Variants in ACYP2 observed in about 807,000 individuals in gnomAD.
ACYP2 encodes acylphosphatase-2.
A neutral mutation model predicts 11.2 loss-of-function variants in ACYP2; 12 were observed. The observed-to-expected ratio is 1.08, with a 90% CI of 0.69 to 1.74. The LOEUF (loss-of-function observed/expected upper bound fraction) is 1.74. Ranked by LOEUF, ACYP2 falls within the 40% of genes most tolerant of loss-of-function variation. The probability of loss-of-function intolerance (pLI) is 0.00; values close to 1 mark genes in which losing one functional copy is unlikely to be tolerated. For missense variants in ACYP2, 134 were observed against 101.9 expected (o/e 1.31, Z -1.35); for synonymous variants, 43 against 32.2 (o/e 1.33, Z -1.13).
intron 2 of ACYP2, among the ~76,000 whole-genome samples, chr2:54,029,298 G>C (rs1442011424): frequency 6.6e-6 from 1 of 152,002 alleles, no homozygotes; most frequent in Non-Finnish European, 1.5e-5. Flanking sequence ...CATATCAAGG[G>C]TACATACTAC....
intron 6 of ACYP2, among the ~76,000 whole-genome samples, chr2:54,268,220 T>C (rs1688124762): frequency 1.3e-5 from 2 of 152,168 alleles, no homozygotes; most frequent in African/African-American, 4.8e-5. Context: ...TAGCAAATAG[T>C]TCTATATTTT....
intron 3 of ACYP2, among the ~76,000 whole-genome samples, chr2:54,053,254 C>T (rs758330633): frequency 1.6e-4 from 24 of 151,998 alleles, no homozygotes; most frequent in Non-Finnish European, 2.5e-4. Context: ...TATTGCTGCT[C>T]TGCATAGGCA....
chr2:54,008,349 G>C (rs972143096), intron 2 of ACYP2, among the ~76,000 whole-genome samples: 1 of 152,180 alleles, frequency 6.6e-6, no homozygotes, highest in African/African-American at 2.4e-5. Flanking sequence ...TCAGACTTCA[G>C]AGCTATACTT....
At chr2:54,113,514 G>A (rs929213590) in intron 4 of ACYP2, among the ~76,000 whole-genome samples, 1 of 152,002 alleles carries the variant, frequency 6.6e-6, no homozygotes, top group Non-Finnish European at 1.5e-5. Flanking sequence ...CCAACATGTT[G>A]GGATTACAGG....
Position 54,207,171 on chromosome 2 carries a change from A to ATGTGTGTGTGTG in ACYP2, c.404+68424_404+68425insGTGTGTGTGTGT, listed in dbSNP as rs1462290345. On this transcript the variant is annotated intron_variant, in intron 6 of 6. Transcript: ENST00000607452. The stretch of plus-strand genomic sequence containing the variant: ...TTATATGTACATATATACAACATGT[A>ATGTGTGTGTGTG]TATGTGTGTGTGTGTGTGTGTGTGT... Among the ~76,000 whole-genome samples the ATGTGTGTGTGTG allele has an allele frequency of 6.6e-3, 453 of 68,446 alleles. 7 individuals are homozygous for ATGTGTGTGTGTG. The highest frequency in any genetic ancestry group is 0.058 in the East Asian group (98 of 1,688). The allele number at this position is 68,446 out of a possible 152,430, so 44.9% of individuals were successfully genotyped here.
intron 2 of ACYP2, among the ~76,000 whole-genome samples, chr2:54,015,645 T>TCACACACACACACACACA (rs4027206): frequency 1.5e-5 from 2 of 130,420 alleles, no homozygotes; most frequent in African/African-American, 6.2e-5. Context: ...TGAGACCCCG[T>TCACACACACACACACACA]CACACACACA....
intron 2 of ACYP2, among the ~76,000 whole-genome samples, chr2:53,986,724 A>G (rs1220856897): frequency 6.6e-6 from 1 of 151,566 alleles, no homozygotes; most frequent in Non-Finnish European, 1.5e-5. Flanking sequence ...TCCTGGGTTC[A>G]AGTGATTCTC....
intron 2 of ACYP2, among the ~76,000 whole-genome samples, chr2:54,050,189 A>G (rs116581970): frequency 0.014 from 2,183 of 152,214 alleles, 61 homozygotes; most frequent in African/African-American, 0.05. Flanking sequence ...TTTTTCATGA[A>G]CAGTCTAAAA....
intron 6 of ACYP2, among the ~76,000 whole-genome samples, chr2:54,162,769 C>T (rs1454092634): frequency 6.6e-6 from 1 of 152,066 alleles, no homozygotes; most frequent in Middle Eastern, 3.2e-3. Flanking sequence ...AGTTGGAGAC[C>T]AGCCTGGGCA....
chr2:54,178,983 C>T (rs1308279280), intron 6 of ACYP2, among the ~76,000 whole-genome samples: 1 of 152,016 alleles, frequency 6.6e-6, no homozygotes, highest in African/African-American at 2.4e-5. Context: ...GCTGGGATAT[C>T]CAAGATCAAG....
chr2:54,162,574 A>T (rs1428057137), intron 6 of ACYP2, among the ~76,000 whole-genome samples: 1 of 152,128 alleles, frequency 6.6e-6, no homozygotes, highest in Non-Finnish European at 1.5e-5. Flanking sequence ...AGACGTACTG[A>T]ATCAGAAACC....
chr2:54,280,709 C>G (rs1310178823), intron 6 of ACYP2, among the ~76,000 whole-genome samples: 2 of 152,186 alleles, frequency 1.3e-5, no homozygotes, highest in Admixed American at 1.3e-4. Context: ...CTGTGACAAC[C>G]TTCCTGAGAG....
intron 2 of ACYP2, among the ~76,000 whole-genome samples, chr2:54,049,563 T>A (rs1261144602): frequency 1.3e-5 from 2 of 152,228 alleles, no homozygotes; most frequent in Admixed American, 1.3e-4. Flanking sequence ...TTTTTTCCTT[T>A]CAAAGCTGTG....
chr2:54,039,819 TTG>T (rs751604890), intron 2 of ACYP2, among the ~76,000 whole-genome samples: 9,383 of 126,488 alleles, frequency 0.074, 291 homozygotes, highest in South Asian at 0.13. Flanking sequence ...TTGTTTTCTT[TTG>T]TGTGTGTGTG....
chr2:54,265,688 T>TTGAAA (rs1445730949), intron 6 of ACYP2, among the ~76,000 whole-genome samples: 8 of 152,192 alleles, frequency 5.3e-5, no homozygotes, highest in Admixed American at 1.3e-4. Flanking sequence ...ATTAAATAAG[T>TTGAAA]TGAAATGTAG....
intron 6 of ACYP2, among the ~76,000 whole-genome samples, chr2:54,146,190 G>T (rs1050686621): frequency 1.3e-5 from 2 of 152,180 alleles, no homozygotes; most frequent in African/African-American, 4.8e-5. Flanking sequence ...ATAACTTACA[G>T]TGTTGCTGTT....
chr2:54,015,468 A>G (rs1673626213), intron 2 of ACYP2, among the ~76,000 whole-genome samples: 2 of 151,116 alleles, frequency 1.3e-5, no homozygotes, highest in Admixed American at 6.6e-5. Context: ...AGATTGTGCC[A>G]TTGTTCTCCA....
chr2:54,146,110 T>C (rs146009751), intron 6 of ACYP2, among the ~76,000 whole-genome samples: 1 of 152,370 alleles, frequency 6.6e-6, no homozygotes, highest in East Asian at 1.9e-4. Context: ...ACCCTTGTGC[T>C]TGACTGATTG....
chr2:54,297,393 G>A (rs987184422), intron 6 of ACYP2, among the ~76,000 whole-genome samples: 1 of 152,102 alleles, frequency 6.6e-6, no homozygotes, highest in Non-Finnish European at 1.5e-5. Flanking sequence ...AGATACTTGA[G>A]AGGCTGAGAT....
Sources: gnomAD v4.1 joint callset for allele counts (sites outside exome capture counted in the v4.1 genomes callset) on GRCh38, gnomAD v4.1.1 for gene constraint, MANE v1.5 for transcripts, NCBI Gene and HGNC (gene_info 2026-07-23, HGNC 2026-07-21) for gene names.